The following DOCK1 variants were observed in gnomAD, a reference collection of about 807,000 sequenced individuals.
The protein encoded by DOCK1 is dedicator of cytokinesis 1, also known as dedicator of cytokinesis protein 1.
Under a neutral mutation model 262.7 loss-of-function variants are expected in DOCK1, and 138 were observed. That is an observed-to-expected ratio of 0.53 (90% CI 0.46 to 0.61). The LOEUF is 0.61. Ranked by LOEUF, DOCK1 falls within the 20% of genes least tolerant of loss-of-function variation. DOCK1 has a pLI of 0.00. For synonymous variants in DOCK1, 866 were observed against 867.4 expected, an observed-to-expected ratio of 1.00 and a Z score of 0.03; for missense variants, 1,908 against 2,370.7, an observed-to-expected ratio of 0.80 and a Z score of 4.05.
At chr10:127,113,720 G>A (rs2489401) in intron 25 of DOCK1, among the ~76,000 whole-genome samples, 115,377 of 151,988 alleles carry the variant, frequency 0.76, 45,697 homozygotes, top group South Asian at 0.89. Flanking sequence ...AAGCAAGACA[G>A]CTCTGTGTGG....
At chr10:127,141,290 A>C (rs969788804) in intron 27 of DOCK1, among the ~76,000 whole-genome samples, 1 of 152,238 alleles carries the variant, frequency 6.6e-6, no homozygotes, top group African/African-American at 2.4e-5. Context: ...TGCAGGCACC[A>C]TAATCAGAGA....
intron 47 of DOCK1, among the ~76,000 whole-genome samples, chr10:127,428,579 GTGT>G (rs1306166622): frequency 1.3e-5 from 2 of 149,000 alleles, no homozygotes; most frequent in African/African-American, 4.9e-5. Flanking sequence ...GTGGATTGTG[GTGT>G]TGTGTGGATT....
intron 29 of DOCK1, among the ~76,000 whole-genome samples, chr10:127,279,007 G>A (rs551330793): frequency 6.6e-6 from 1 of 152,288 alleles, no homozygotes; most frequent in South Asian, 2.1e-4. Context: ...GAACAGTCTG[G>A]GTTTTCCAGA....
chr10:127,312,635 G>A (rs923024686), intron 29 of DOCK1, among the ~76,000 whole-genome samples: 4 of 152,080 alleles, frequency 2.6e-5, no homozygotes, highest in African/African-American at 7.2e-5. Flanking sequence ...AATGTCTTAC[G>A]GGCTCATCCC....
intron 13 of DOCK1, among the ~76,000 whole-genome samples, chr10:127,020,765 CAG>C (rs150984194): frequency 1.5e-4 from 22 of 150,690 alleles, no homozygotes; most frequent in Non-Finnish European, 1.8e-4. Flanking sequence ...CTGTGGGCAC[CAG>C]AGAGAGAGAG....
chr10:127,347,633 G>A (rs1401659598), intron 31 of DOCK1, among the ~76,000 whole-genome samples: 3 of 151,622 alleles, frequency 2.0e-5, no homozygotes, highest in East Asian at 3.9e-4. Context: ...CTGGGCAAAC[G>A]ATGGGCGCTG....
rs146139620 is a variant in DOCK1, at chr10:127,434,647, G to A, written c.5060+1219G>A. Reference sequence around the variant, plus strand: ...CCCCCACCCCTGACACCCTGACAATGTCTACTTTCTTTTTTTTTTTTTTTG... The same window carrying A: ...CCCCCACCCCTGACACCCTGACAATATCTACTTTCTTTTTTTTTTTTTTTG... On this transcript the variant is annotated intron_variant, in intron 48 of 51. Transcript: ENST00000623213. Among the ~76,000 whole-genome samples, 18 of 150,206 alleles carry A rather than the reference G, an allele frequency of 1.2e-4. No homozygotes were observed. In the East Asian group the frequency reaches 3.5e-3, roughly 29 times the overall value.
chr10:127,418,583 CG>C (rs759672391), intron 45 of DOCK1, 42 bp downstream of exon 45: 1 of 1,564,982 alleles, frequency 6.4e-7, no homozygotes, highest in East Asian at 2.3e-5. Context: ...CAGTCCTGCC[CG>C]GGGACAGACT....
chr10:127,277,512 C>T (rs1185608246), intron 29 of DOCK1, among the ~76,000 whole-genome samples: 1 of 152,106 alleles, frequency 6.6e-6, no homozygotes, highest in Non-Finnish European at 1.5e-5. Flanking sequence ...AATCCCAGCA[C>T]TTTGGGAGGC....
rs532984244 is a variant in DOCK1 at position 127,067,201 on chromosome 10, C to A, written c.2445+5425C>A. On this transcript the variant is annotated intron_variant, in intron 23 of 51. Transcript: ENST00000623213. ...GGTCACGAAGGCTTGTGGGAGGAGA[C>A]CTTGGCGATGGCCCCACTGTGTTGG... 7.2e-5 allele frequency among the ~76,000 whole-genome samples: 11 copies of A among 152,258 alleles called. 1 individual carries two copies. Among genetic ancestry groups the A allele is most frequent in the African/African-American group, 2.4e-4 (10 of 41,532 alleles).
chr10:127,026,533 G>A, intron 16 of DOCK1, 109 bp downstream of exon 16: 1 of 985,228 alleles, frequency 1.0e-6, no homozygotes, highest in Non-Finnish European at 1.5e-6. Context: ...AACACAATAA[G>A]GCTCATTTCC....
intron 47 of DOCK1, among the ~76,000 whole-genome samples, chr10:127,432,184 A>C (rs967289446): frequency 1.3e-5 from 2 of 152,160 alleles, no homozygotes; most frequent in Non-Finnish European, 2.9e-5. Flanking sequence ...CTTTACAGAA[A>C]ATGTGGGCCA....
rs374006060 is a variant in DOCK1, at chr10:126,994,244, C to T, written c.474-2504C>T. Among the ~76,000 whole-genome samples, 9 of 152,296 alleles carry T rather than the reference C, an allele frequency of 5.9e-5. No individual in the cohort carries two copies. The East Asian group carries it at 1.7e-3, about 29-fold the overall frequency. ...TTTAAATAAAAACTGTGGTAAAAAT[C>T]ATCTTACAATTTTGTTGGATTTGAG... On this transcript the variant is annotated intron_variant, in intron 6 of 51. Transcript: ENST00000623213.
At chr10:127,104,365 T>C (rs991797542) in intron 23 of DOCK1, among the ~76,000 whole-genome samples, 1 of 152,224 alleles carries the variant, frequency 6.6e-6, no homozygotes, top group Non-Finnish European at 1.5e-5. Context: ...TCACACGTAT[T>C]TTCTTCCAAA....
chr10:127,109,605 C>T lies in DOCK1; in HGVS notation c.2517-643C>T, dbSNP rs183262211. 2.4e-3 allele frequency among the ~76,000 whole-genome samples: 361 copies of T among 152,274 alleles called. 1 individual carries two copies. The highest frequency in any genetic ancestry group is 8.4e-3 in the African/African-American group (349 of 41,554). On this transcript the variant is annotated intron_variant, in intron 24 of 51. Transcript: ENST00000623213. ...TCTCTACACATTTGTGTTTTCTGGG[C>T]ATTTTACAGAGCTGGAATCATACAA...
Position 127,198,507 on chromosome 10 carries a change from G to C in DOCK1, c.2848-49501G>C, listed in dbSNP as rs556711255. Among the ~76,000 whole-genome samples the C allele has an allele frequency of 1.9e-4, 29 of 152,352 alleles. No individual in the cohort carries two copies. In the South Asian group the frequency reaches 5.6e-3, roughly 29 times the overall value. On this transcript the variant is annotated intron_variant, in intron 27 of 51. Coordinates refer to ENST00000623213, the MANE Select transcript of DOCK1 (RefSeq NM_001290223.2). ...CCAGCAAGGCAGTGCTCAGCCACAGGTGGCACTGTGAACTGGCAAGAAAAC... is the reference window on the plus strand; with the variant it reads ...CCAGCAAGGCAGTGCTCAGCCACAGCTGGCACTGTGAACTGGCAAGAAAAC...
intron 37 of DOCK1, among the ~76,000 whole-genome samples, chr10:127,381,810 C>T (rs1044852018): frequency 6.6e-6 from 1 of 152,198 alleles, no homozygotes; most frequent in Non-Finnish European, 1.5e-5. Flanking sequence ...TATCAGTTCA[C>T]GTTGAGACCT....
At chr10:127,210,255 G>A (rs559482498) in intron 27 of DOCK1, among the ~76,000 whole-genome samples, 2 of 152,270 alleles carry the variant, frequency 1.3e-5, no homozygotes, top group East Asian at 1.9e-4. Context: ...TCTGGACTTC[G>A]GCGGTGCCAC....
chr10:127,260,731 G>T (rs1187096815), intron 29 of DOCK1, among the ~76,000 whole-genome samples: 2 of 143,554 alleles, frequency 1.4e-5, no homozygotes, highest in Non-Finnish European at 3.0e-5. Context: ...ATGTGTGTGC[G>T]TGTGGGTGTG....
Sources: gnomAD v4.1 joint callset for allele counts (sites outside exome capture counted in the v4.1 genomes callset) on GRCh38, gnomAD v4.1.1 for gene constraint, MANE v1.5 for transcripts, NCBI Gene and HGNC (gene_info 2026-07-23, HGNC 2026-07-21) for gene names.